The following RAP1GDS1 variants were observed in gnomAD, a reference collection of about 807,000 sequenced individuals.
RAP1GDS1 encodes the protein Rap1 GTPase-GDP dissociation stimulator 1, also known as RAP1, GTP-GDP dissociation stimulator 1.
RAP1GDS1 carries 35 observed loss-of-function variants against 71.1 expected under a neutral mutation model. That is an observed-to-expected ratio of 0.49 (90% CI 0.38 to 0.65). RAP1GDS1 has a LOEUF of 0.65. Ranked by LOEUF, RAP1GDS1 falls within the 30% of genes least tolerant of loss-of-function variation. RAP1GDS1 has a pLI of 0.00. For synonymous variants in RAP1GDS1, 229 were observed against 243.1 expected, an observed-to-expected ratio of 0.94 and a Z score of 0.54; for missense variants, 663 against 706.1, an observed-to-expected ratio of 0.94 and a Z score of 0.69.
rs145904349 is a variant in RAP1GDS1, at chr4:98,440,050, T to C, written c.1697-1940T>C. Among the ~76,000 whole-genome samples the C allele has an allele frequency of 1.1e-4, 16 of 152,346 alleles. No individual in the cohort carries two copies. In the East Asian group the frequency reaches 3.1e-3, roughly 29 times the overall value. ...CCATTTATTTTGTGTCTCCATCATC[T>C]GACAACTCTAGTCACCACATATATG... On this transcript the variant is annotated intron_variant, in intron 14 of 14. Coordinates refer to ENST00000408927, the MANE Select transcript of RAP1GDS1 (RefSeq NM_001100427.2).
At chr4:98,408,578 C>T (rs943813287) in intron 7 of RAP1GDS1, among the ~76,000 whole-genome samples, 2 of 151,962 alleles carry the variant, frequency 1.3e-5, no homozygotes, top group African/African-American at 4.8e-5. Context: ...ATACCAAATC[C>T]CAACAAAGAC....
At chr4:98,329,379 C>A (rs1279730222) in intron 2 of RAP1GDS1, among the ~76,000 whole-genome samples, 1 of 152,120 alleles carries the variant, frequency 6.6e-6, no homozygotes, top group African/African-American at 2.4e-5. Context: ...TATTTAATCT[C>A]ATCTGTTTTA....
chr4:98,427,998 A>G (rs1184149108), intron 12 of RAP1GDS1, among the ~76,000 whole-genome samples: 1 of 152,220 alleles, frequency 6.6e-6, no homozygotes, highest in African/African-American at 2.4e-5. Flanking sequence ...TGGTAGTGGT[A>G]CAAAAATAGG....
intron 2 of RAP1GDS1, among the ~76,000 whole-genome samples, chr4:98,305,614 T>G (rs1473345126): frequency 1.3e-5 from 2 of 152,120 alleles, no homozygotes; most frequent in Non-Finnish European, 2.9e-5. Context: ...AGCCATGAGA[T>G]TAGTAACAGA....
intron 1 of RAP1GDS1, among the ~76,000 whole-genome samples, chr4:98,288,360 C>G (rs889106896): frequency 2.6e-5 from 4 of 152,096 alleles, no homozygotes; most frequent in Non-Finnish European, 5.9e-5. Context: ...AGGACATGAA[C>G]TCATCGTTTT....
chr4:98,303,227 C>T (rs982671543), intron 2 of RAP1GDS1, among the ~76,000 whole-genome samples: 18 of 152,002 alleles, frequency 1.2e-4, no homozygotes, highest in African/African-American at 4.3e-4. Context: ...ATAGAAGAAT[C>T]AAGGGAATAC....
chr4:98,350,203 A>G (rs981778892), intron 3 of RAP1GDS1, among the ~76,000 whole-genome samples: 1 of 152,238 alleles, frequency 6.6e-6, no homozygotes, highest in Non-Finnish European at 1.5e-5. Flanking sequence ...TAATTCTTCA[A>G]TGTTGCCATT....
chr4:98,290,350 G>A (rs1726743257), intron 1 of RAP1GDS1, among the ~76,000 whole-genome samples: 1 of 152,046 alleles, frequency 6.6e-6, no homozygotes, highest in Admixed American at 6.6e-5. Context: ...TTTGTTCTTT[G>A]GGACAGTCCT....
At chr4:98,332,360 T>C (rs567065299) in intron 2 of RAP1GDS1, among the ~76,000 whole-genome samples, 6 of 152,274 alleles carry the variant, frequency 3.9e-5, no homozygotes, top group African/African-American at 1.4e-4. Flanking sequence ...CAGAATCAAG[T>C]TTTACTAGGA....
At chr4:98,307,076 A>G (rs1729429112) in intron 2 of RAP1GDS1, among the ~76,000 whole-genome samples, 1 of 151,872 alleles carries the variant, frequency 6.6e-6, no homozygotes, top group African/African-American at 2.4e-5. Flanking sequence ...ATTTATTTGT[A>G]CTGTATTTAA....
intron 3 of RAP1GDS1, among the ~76,000 whole-genome samples, chr4:98,347,032 G>A (rs1028336418): frequency 3.3e-5 from 5 of 152,110 alleles, no homozygotes; most frequent in African/African-American, 1.2e-4. Context: ...ATTCAAACAT[G>A]AATATGTTAT....
intron 2 of RAP1GDS1, among the ~76,000 whole-genome samples, chr4:98,320,249 A>G (rs1731609647): frequency 6.6e-6 from 1 of 152,200 alleles, no homozygotes; most frequent in African/African-American, 2.4e-5. Context: ...TTTTATCAGC[A>G]ATAATTAAAT....
chr4:98,263,380 G>A (rs1578231265), intron 1 of RAP1GDS1, among the ~76,000 whole-genome samples: 2 of 152,158 alleles, frequency 1.3e-5, no homozygotes, highest in East Asian at 3.9e-4. Context: ...TTACAACACT[G>A]GTGAATAAAA....
At chr4:98,376,610 A>G (rs1376655273) in intron 4 of RAP1GDS1, among the ~76,000 whole-genome samples, 1 of 151,992 alleles carries the variant, frequency 6.6e-6, no homozygotes, top group African/African-American at 2.4e-5. Flanking sequence ...AAATGCTTTT[A>G]CTGTGTTTCT....
intron 4 of RAP1GDS1, among the ~76,000 whole-genome samples, chr4:98,371,680 T>C (rs1212101355): frequency 3.3e-5 from 5 of 151,200 alleles, no homozygotes; most frequent in Non-Finnish European, 5.9e-5. Flanking sequence ...TTTCACTGTG[T>C]TGGCCAGGCT....
intron 2 of RAP1GDS1, among the ~76,000 whole-genome samples, chr4:98,313,738 T>C (rs1407588798): frequency 6.6e-6 from 1 of 151,986 alleles, no homozygotes; most frequent in Admixed American, 6.6e-5. Flanking sequence ...TCCCATCTAC[T>C]TGGGAGGCCG....
In RAP1GDS1 at chr4:98,372,225, C is replaced by T. The variant is rs572024985; in HGVS notation, c.362-6792C>T. 1.1e-4 allele frequency among the ~76,000 whole-genome samples: 17 copies of T among 152,154 alleles called. No individual in the cohort carries two copies. The South Asian group carries it at 2.5e-3, about 22-fold the overall frequency. On this transcript the variant is annotated intron_variant, in intron 4 of 14. Coordinates refer to ENST00000408927, the MANE Select transcript of RAP1GDS1 (RefSeq NM_001100427.2). ...CCACCCAGGTTAGCGTGCTGTGGCG[C>T]GATCTCGGCTCACTGCAACCTCCGC...
intron 5 of RAP1GDS1, among the ~76,000 whole-genome samples, chr4:98,388,893 T>C (rs910479024): frequency 1.3e-5 from 2 of 149,824 alleles, no homozygotes; most frequent in Admixed American, 6.6e-5. Context: ...GAAGAAAATA[T>C]TTAAAATTAT....
At chr4:98,282,889 T>C (rs1295938461) in intron 1 of RAP1GDS1, among the ~76,000 whole-genome samples, 1 of 152,196 alleles carries the variant, frequency 6.6e-6, no homozygotes, top group Non-Finnish European at 1.5e-5. Flanking sequence ...CTAGTAGTCA[T>C]TCAGGAGCGG....
Sources: gnomAD v4.1 joint callset for allele counts (sites outside exome capture counted in the v4.1 genomes callset) on GRCh38, gnomAD v4.1.1 for gene constraint, MANE v1.5 for transcripts, NCBI Gene and HGNC (gene_info 2026-07-23, HGNC 2026-07-21) for gene names.